Variants in CDKAL1 observed in about 807,000 individuals in gnomAD.
CDKAL1 encodes CDKAL1 threonylcarbamoyladenosine tRNA methylthiotransferase, also known as threonylcarbamoyladenosine tRNA methylthiotransferase.
In CDKAL1, 32 loss-of-function variants were observed where a neutral mutation model predicts 68.2. The observed-to-expected ratio is 0.47, with a 90% CI of 0.35 to 0.63. The LOEUF (loss-of-function observed/expected upper bound fraction) is 0.63. CDKAL1 is among the 30% of genes least tolerant of loss of function. The pLI is 0.00. For missense variants in CDKAL1, 606 were observed against 696.7 expected (o/e 0.87, Z 1.47); for synonymous variants, 234 against 244.3 (o/e 0.96, Z 0.39).
At chr6:20,812,708 A>G (rs1776874534) in intron 8 of CDKAL1, among the ~76,000 whole-genome samples, 1 of 152,180 alleles carries the variant, frequency 6.6e-6, no homozygotes, top group African/African-American at 2.4e-5. Flanking sequence ...GTATCATTGT[A>G]TATATGATGA....
rs113695049 is a variant in CDKAL1 at position 21,167,947 on chromosome 6, A to G, written c.1300-30074A>G. ...TGCAAGCTGATAAGTAGACGTGCAC[A>G]CCCAAGAAAGTATACTAAATTATAA... is the stretch of plus-strand genomic sequence containing the variant. On this transcript the variant is annotated intron_variant, in intron 13 of 15. Transcript: ENST00000274695. Among the ~76,000 whole-genome samples, 713 of 152,278 alleles carry G rather than the reference A, an allele frequency of 4.7e-3. 2 individuals are homozygous for G. The highest frequency in any genetic ancestry group is 0.01 in the African/African-American group (433 of 41,562).
chr6:20,945,784 A>G (rs1185664053), intron 9 of CDKAL1, among the ~76,000 whole-genome samples: 4 of 152,212 alleles, frequency 2.6e-5, no homozygotes, highest in East Asian at 1.9e-4. Flanking sequence ...AAAACCATAC[A>G]TTGTTACTGG....
intron 9 of CDKAL1, among the ~76,000 whole-genome samples, chr6:20,866,645 G>A (rs1209647823): frequency 5.3e-5 from 8 of 152,122 alleles, no homozygotes; most frequent in Admixed American, 1.3e-4. Context: ...TGTGTCCATC[G>A]TGATTAAATT....
At chr6:20,674,181 A>G (rs1251354014) in intron 5 of CDKAL1, among the ~76,000 whole-genome samples, 1 of 152,162 alleles carries the variant, frequency 6.6e-6, no homozygotes, top group Non-Finnish European at 1.5e-5. Context: ...TCATTTGGAA[A>G]CAAGAGTTTT....
At chr6:20,993,881 A>G (rs1039895945) in intron 10 of CDKAL1, among the ~76,000 whole-genome samples, 2 of 152,220 alleles carry the variant, frequency 1.3e-5, no homozygotes, top group African/African-American at 4.8e-5. Context: ...TCCTGCCTGT[A>G]AAATGGTTAA....
chr6:20,671,970 C>G (rs1467044856), intron 5 of CDKAL1, among the ~76,000 whole-genome samples: 1 of 152,166 alleles, frequency 6.6e-6, no homozygotes, highest in Non-Finnish European at 1.5e-5. Context: ...CCATTTTTGT[C>G]AAAACGAATT....
intron 4 of CDKAL1, among the ~76,000 whole-genome samples, chr6:20,602,759 T>C (rs1766160229): frequency 6.6e-6 from 1 of 152,192 alleles, no homozygotes; most frequent in East Asian, 1.9e-4. Flanking sequence ...TTTGATTCCC[T>C]GGGATATCAG....
At chr6:21,090,144 G>T (rs1772922152) in intron 12 of CDKAL1, among the ~76,000 whole-genome samples, 1 of 152,178 alleles carries the variant, frequency 6.6e-6, no homozygotes. Flanking sequence ...ATAAGATAAT[G>T]AATACAAGTG....
intron 8 of CDKAL1, among the ~76,000 whole-genome samples, chr6:20,824,349 C>T (rs1777409959): frequency 6.6e-6 from 1 of 152,176 alleles, no homozygotes; most frequent in African/African-American, 2.4e-5. Context: ...TATTATCTCA[C>T]AGCATCTGTG....
Position 20,753,957 on chromosome 6 carries a change from A to ATGTGTG in CDKAL1, c.469-4610_469-4605dup, listed in dbSNP as rs112105313. On this transcript the variant is annotated intron_variant, in intron 6 of 15. Transcript: ENST00000274695. ...TTCACCAACACTCGTTATTATCTGT[A>ATGTGTG]TGTGTGTGTGTGTGTGTGTGTGTGT... Among the ~76,000 whole-genome samples, 1,066 of 147,796 alleles carry ATGTGTG rather than the reference A, an allele frequency of 7.2e-3. 7 individuals are homozygous for ATGTGTG. Among genetic ancestry groups the ATGTGTG allele is most frequent in the South Asian group, 0.024 (110 of 4,568 alleles).
At chr6:20,829,768 G>T (rs774276631) in intron 8 of CDKAL1, among the ~76,000 whole-genome samples, 6 of 152,162 alleles carry the variant, frequency 3.9e-5, no homozygotes, top group Non-Finnish European at 7.3e-5. Context: ...GAAGAGATGT[G>T]GGTCTACAAA....
chr6:21,063,793 AAG>A (rs1432042657), intron 11 of CDKAL1, among the ~76,000 whole-genome samples: 1 of 152,168 alleles, frequency 6.6e-6, no homozygotes, highest in African/African-American at 2.4e-5. Flanking sequence ...GCAGAGATGA[AAG>A]AGAGAAAAAG....
intron 4 of CDKAL1, among the ~76,000 whole-genome samples, chr6:20,573,836 C>T (rs1310921690): frequency 6.6e-6 from 1 of 152,016 alleles, no homozygotes; most frequent in Non-Finnish European, 1.5e-5. Context: ...GCTTTTTGAC[C>T]CACTGCTCTT....
intron 5 of CDKAL1, among the ~76,000 whole-genome samples, chr6:20,665,630 TTAAAA>T (rs892138096): frequency 1.3e-5 from 2 of 151,978 alleles, no homozygotes; most frequent in Admixed American, 1.3e-4. Flanking sequence ...CAAGAAATAC[TTAAAA>T]TAAGTCCTCA....
chr6:20,689,741 G>T (rs920929549), intron 5 of CDKAL1, among the ~76,000 whole-genome samples: 1 of 152,116 alleles, frequency 6.6e-6, no homozygotes, highest in Non-Finnish European at 1.5e-5. Flanking sequence ...ATGTATCTGT[G>T]CTCTAATTTT....
chr6:20,706,145 G>T (rs1445275246), intron 5 of CDKAL1, among the ~76,000 whole-genome samples: 1 of 152,132 alleles, frequency 6.6e-6, no homozygotes, highest in Non-Finnish European at 1.5e-5. Flanking sequence ...GGACAGGCAG[G>T]CCCTCTCTAT....
At chr6:21,195,562 A>G (rs917872469) in intron 13 of CDKAL1, among the ~76,000 whole-genome samples, 1 of 151,086 alleles carries the variant, frequency 6.6e-6, no homozygotes, top group African/African-American at 2.4e-5. Context: ...CAATGCTGGA[A>G]TGCAGTAGAA....
chr6:20,962,936 G>A (rs1359246995), intron 10 of CDKAL1, among the ~76,000 whole-genome samples: 2 of 152,074 alleles, frequency 1.3e-5, no homozygotes, highest in Non-Finnish European at 2.9e-5. Context: ...TCTTACCCTG[G>A]CACTTGCGAA....
chr6:20,853,460 T>TG (rs1759150212), intron 9 of CDKAL1, among the ~76,000 whole-genome samples: 1 of 151,920 alleles, frequency 6.6e-6, no homozygotes, highest in Non-Finnish European at 1.5e-5. Context: ...TGGTCAATTC[T>TG]GGGGGAAATT....
Sources: gnomAD v4.1 joint callset for allele counts (sites outside exome capture counted in the v4.1 genomes callset) on GRCh38, gnomAD v4.1.1 for gene constraint, MANE v1.5 for transcripts, NCBI Gene and HGNC (gene_info 2026-07-23, HGNC 2026-07-21) for gene names.